CCDC38: variants seen among roughly 807,000 people sequenced by gnomAD.
The protein encoded by CCDC38 is coiled-coil domain-containing protein 38.
A neutral mutation model predicts 72.8 loss-of-function variants in CCDC38; 69 were observed. The ratio of observed to expected loss-of-function variants is 0.95; its 90% confidence interval spans 0.78 to 1.16. CCDC38 has a LOEUF of 1.16. CCDC38 is among the 50% of genes most tolerant of loss of function. CCDC38 has a pLI of 0.00. For missense variants in CCDC38, 626 were observed against 638.9 expected (o/e 0.98, Z 0.22); for synonymous variants, 201 against 213.2 (o/e 0.94, Z 0.50).
intron 4 of CCDC38, among the ~76,000 whole-genome samples, chr12:95,907,859 C>G (rs987789386): frequency 3.3e-5 from 5 of 150,634 alleles, no homozygotes; most frequent in South Asian, 2.1e-4. Flanking sequence ...CGGGCAGAGA[C>G]GCTCCTCACT....
chr12:95,898,994 T>A (rs1322573108), intron 5 of CCDC38, among the ~76,000 whole-genome samples: 1 of 152,142 alleles, frequency 6.6e-6, no homozygotes, highest in Non-Finnish European at 1.5e-5. Flanking sequence ...TGCATATTCC[T>A]CCAAAGAGCA....
intron 15 of CCDC38, among the ~76,000 whole-genome samples, chr12:95,868,606 C>T (rs1045268605): frequency 2.6e-5 from 4 of 152,160 alleles, no homozygotes; most frequent in African/African-American, 9.7e-5. Flanking sequence ...ACACAGTAAG[C>T]ATTCGTTATG....
intron 2 of CCDC38, chr12:95,934,973 A>C (rs2080377518): frequency 6.6e-6 from 1 of 152,216 alleles, no homozygotes; most frequent in Non-Finnish European, 1.5e-5. Context: ...GTGCCACTGC[A>C]CTTCAGCTTG....
chr12:95,874,703 G>T (rs537720620), intron 13 of CCDC38, among the ~76,000 whole-genome samples: 15 of 152,274 alleles, frequency 9.9e-5, no homozygotes, highest in African/African-American at 3.1e-4. Flanking sequence ...AGTCTGCCCA[G>T]GTGAATGGGA....
intron 1 of CCDC38, among the ~76,000 whole-genome samples, chr12:95,938,941 T>C (rs1362411801): frequency 2.6e-5 from 4 of 152,098 alleles, no homozygotes; most frequent in Non-Finnish European, 5.9e-5. Context: ...GATCAAAAGC[T>C]CAGAAATATC....
rs2079627573 is a variant in CCDC38, at chr12:95,875,624, A to G, written c.1278+2587T>C. Reference sequence around the variant, plus strand: ...TTTGTATATTCTGAGAGCTGAAAAAATGGAGGTAGAGAAGGAAAAAATCCT... The same window carrying G: ...TTTGTATATTCTGAGAGCTGAAAAAGTGGAGGTAGAGAAGGAAAAAATCCT... On this transcript the variant is annotated intron_variant, in intron 13 of 15. Transcript: ENST00000344280. 1.3e-5 allele frequency among the ~76,000 whole-genome samples: 2 copies of G among 152,324 alleles called. 1 individual carries two copies. The highest frequency in any genetic ancestry group is 4.1e-4 in the South Asian group (2 of 4,826).
At chr12:95,926,508 AT>A (rs1245177091) in intron 2 of CCDC38, among the ~76,000 whole-genome samples, 2 of 151,882 alleles carry the variant, frequency 1.3e-5, no homozygotes, top group Non-Finnish European at 2.9e-5. Flanking sequence ...GGATTTATTA[AT>A]TTTTTGAAGG....
chr12:95,910,797 A>AAGGTT (rs1457817313), intron 4 of CCDC38, among the ~76,000 whole-genome samples: 1 of 152,178 alleles, frequency 6.6e-6, no homozygotes, highest in Non-Finnish European at 1.5e-5. Flanking sequence ...TTAGAAGTTC[A>AAGGTT]AGGTTACAGT....
chr12:95,878,297 T>C lies in CCDC38; in HGVS notation c.1192A>G (p.Asn398Asp), dbSNP rs1283955612. Residue 398 changes from asparagine to aspartate, a missense_variant, in exon 13 of 16, where the codon AAC becomes GAC. Physicochemically the swap from Asn to Asp is conservative, Grantham distance 23. Coordinates refer to ENST00000344280, the MANE Select transcript of CCDC38 (RefSeq NM_182496.3). The stretch of plus-strand genomic sequence containing the variant: ...GCTTTCTCTTCTTCTCTCACACAGT[T>C]AGCTTTAAGCATTTTTTCTTGCTCC... Reference protein sequence around the residue: ...LLEQEKMLKANCVREEEKAAE... With the variant: ...LLEQEKMLKADCVREEEKAAE... 1.2e-6 allele frequency: 2 copies of C among 1,613,594 alleles called. No individual in the cohort carries two copies. Among genetic ancestry groups the C allele is most frequent in the Admixed American group, 3.3e-5 (2 of 60,016 alleles).
chr12:95,900,294 C>T (rs892958283), intron 5 of CCDC38, among the ~76,000 whole-genome samples: 1 of 151,994 alleles, frequency 6.6e-6, no homozygotes, highest in East Asian at 1.9e-4. Flanking sequence ...GTCAAAATCC[C>T]GAAAGATCAA....
chr12:95,885,741 A>G (rs138097718), intron 10 of CCDC38: 2 of 152,452 alleles, frequency 1.3e-5, no homozygotes, highest in Non-Finnish European at 2.9e-5. Flanking sequence ...AAACATGTGA[A>G]CCTAATTTTA....
chr12:95,887,468 C>G (rs2079772443), intron 10 of CCDC38, among the ~76,000 whole-genome samples: 1 of 152,170 alleles, frequency 6.6e-6, no homozygotes, highest in Admixed American at 6.5e-5. Flanking sequence ...AAGTGAATCT[C>G]CAGAGAATTA....
chr12:95,919,055 T>G (rs2080175984), intron 2 of CCDC38, 79 bp from the exon 3 acceptor site: 1 of 863,984 alleles, frequency 1.2e-6, no homozygotes, highest in African/African-American at 1.7e-5. Context: ...TCCCACCAGC[T>G]AGGGTGGAAT....
In CCDC38 at chr12:95,895,211, A is replaced by T. The variant is rs538938030; in HGVS notation, c.615-65T>A. 51 of 1,209,446 alleles carry T rather than the reference A, an allele frequency of 4.2e-5. No homozygotes were observed. The South Asian group carries it at 5.3e-4, about 13-fold the overall frequency. 74.9% of individuals were successfully genotyped at this position (1,209,446 alleles called of 1,614,324 possible). On this transcript the variant is annotated intron_variant, in intron 7 of 15. Transcript: ENST00000344280. ...GTGAAAGCACATTCATTAGAAAAAAATTTTTATAAAATTGTTTCTCTTATG... is the reference window on the plus strand; with the variant it reads ...GTGAAAGCACATTCATTAGAAAAAATTTTTTATAAAATTGTTTCTCTTATG...
intron 5 of CCDC38, 120 bp from the exon 6 acceptor site, chr12:95,898,851 G>T: frequency 2.0e-6 from 2 of 976,494 alleles, no homozygotes; most frequent in Non-Finnish European, 3.0e-6. Flanking sequence ...AAATCTTGGA[G>T]CAATGGACTT....
chr12:95,885,794 A>G (rs1178979129), intron 10 of CCDC38: 1 of 102,128 alleles, frequency 9.8e-6, no homozygotes, highest in African/African-American at 4.4e-5. Flanking sequence ...CACTGCATCA[A>G]TAATGCCTAT....
intron 9 of CCDC38, among the ~76,000 whole-genome samples, chr12:95,889,542 T>C (rs2079799922): frequency 6.6e-6 from 1 of 152,200 alleles, no homozygotes; most frequent in Non-Finnish European, 1.5e-5. Flanking sequence ...CAAAAGAATT[T>C]ACTTTTCAAT....
At chr12:95,920,367 T>C (rs554229179) in intron 2 of CCDC38, among the ~76,000 whole-genome samples, 4 of 152,316 alleles carry the variant, frequency 2.6e-5, no homozygotes, top group Admixed American at 1.3e-4. Flanking sequence ...CCCAACCATA[T>C]GGAACTGTGA....
At chr12:95,897,764 T>A (rs73229408) in intron 7 of CCDC38, among the ~76,000 whole-genome samples, 1 of 152,140 alleles carries the variant, frequency 6.6e-6, no homozygotes, top group South Asian at 2.1e-4. Flanking sequence ...TTTTTTATTT[T>A]TATTTATTTT....
Sources: gnomAD v4.1 joint callset for allele counts (sites outside exome capture counted in the v4.1 genomes callset) on GRCh38, gnomAD v4.1.1 for gene constraint, MANE v1.5 for transcripts, NCBI Gene and HGNC (gene_info 2026-07-23, HGNC 2026-07-21) for gene names.